Variants in HPSE2 observed in about 807,000 individuals in gnomAD.
HPSE2 encodes the protein heparanase 2 (inactive).
A neutral mutation model predicts 60.5 loss-of-function variants in HPSE2; 38 were observed. The observed-to-expected ratio is 0.63, with a 90% CI of 0.48 to 0.82. HPSE2 has a LOEUF of 0.82. HPSE2 is among the 40% of genes least tolerant of loss of function. The pLI, the probability that HPSE2 is intolerant of heterozygous loss-of-function variation, is 0.00. For synonymous variants in HPSE2, 295 were observed against 293.2 expected (o/e 1.01, Z -0.06); for missense variants, 713 against 740.4 (o/e 0.96, Z 0.43).
chr10:98,788,835 C>A (rs932189836), intron 3 of HPSE2, among the ~76,000 whole-genome samples: 1 of 151,246 alleles, frequency 6.6e-6, no homozygotes, highest in African/African-American at 2.4e-5. Flanking sequence ...CTGGCCTGCA[C>A]CCACTGTCTG....
intron 3 of HPSE2, among the ~76,000 whole-genome samples, chr10:98,771,297 T>C (rs756831575): frequency 7.2e-5 from 11 of 152,168 alleles, no homozygotes; most frequent in Non-Finnish European, 1.2e-4. Flanking sequence ...CAGGGCTATA[T>C]TGGAAAAACC....
intron 3 of HPSE2, among the ~76,000 whole-genome samples, chr10:98,868,838 C>A (rs1236614402): frequency 6.6e-6 from 1 of 152,084 alleles, no homozygotes; most frequent in Non-Finnish European, 1.5e-5. Flanking sequence ...ATTAATACTT[C>A]TCTCTTTGAC....
Position 99,061,996 on chromosome 10 carries a change from G to C in HPSE2, c.610+82242C>G, listed in dbSNP as rs1237648628. Reference sequence around the variant, plus strand: ...TGAGGAGAGCAGAGAGGGCATAGAGGAGGGAGAAATGGGCATGCAAAGCAA... The same window carrying C: ...TGAGGAGAGCAGAGAGGGCATAGAGCAGGGAGAAATGGGCATGCAAAGCAA... On this transcript the variant is annotated intron_variant, in intron 3 of 11. Transcript: ENST00000370552. Among the ~76,000 whole-genome samples the C allele has an allele frequency of 5.9e-5, 9 of 152,152 alleles. 1 individual carries two copies. Among genetic ancestry groups the C allele is most frequent in the Admixed American group, 5.9e-4 (9 of 15,272 alleles).
chr10:98,801,981 G>A (rs1158131259), intron 3 of HPSE2, among the ~76,000 whole-genome samples: 1 of 152,086 alleles, frequency 6.6e-6, no homozygotes, highest in African/African-American at 2.4e-5. Flanking sequence ...CACCGTACTG[G>A]CTTAAAAACA....
In HPSE2 at chr10:99,032,082, C is replaced by G. The variant is rs149097235; in HGVS notation, c.610+112156G>C. Among the ~76,000 whole-genome samples, 70 of 152,294 alleles carry G rather than the reference C, an allele frequency of 4.6e-4. 2 individuals are homozygous for G. In the East Asian group the frequency reaches 0.013, roughly 28 times the overall value. ...CTCGCTTAAATATAAGCACAATAAT[C>G]TCAATCTCCACTTGCCACATCATAA... On this transcript the variant is annotated intron_variant, in intron 3 of 11. Transcript: ENST00000370552.
At chr10:98,578,757 G>A (rs374194655) in intron 9 of HPSE2, among the ~76,000 whole-genome samples, 21 of 151,876 alleles carry the variant, frequency 1.4e-4, no homozygotes, top group African/African-American at 3.1e-4. Context: ...GACACAAACC[G>A]CCTTCATCTT....
At chr10:99,141,813 A>T (rs1845876258) in intron 3 of HPSE2, among the ~76,000 whole-genome samples, 1 of 152,218 alleles carries the variant, frequency 6.6e-6, no homozygotes, top group South Asian at 2.1e-4. Context: ...TGTGAGGTGG[A>T]ACTCAACAAC....
At chr10:98,993,906 T>A (rs1171056067) in intron 3 of HPSE2, among the ~76,000 whole-genome samples, 1 of 152,220 alleles carries the variant, frequency 6.6e-6, no homozygotes, top group African/African-American at 2.4e-5. Flanking sequence ...CAGTTTTACA[T>A]AAGGATAAAA....
intron 9 of HPSE2, among the ~76,000 whole-genome samples, chr10:98,575,384 T>C (rs912904955): frequency 6.6e-6 from 1 of 152,126 alleles, no homozygotes; most frequent in African/African-American, 2.4e-5. Context: ...AGTTGGAATG[T>C]CACAAAAAAC....
chr10:98,873,974 CT>C (rs1323924495), intron 3 of HPSE2, among the ~76,000 whole-genome samples: 1 of 151,970 alleles, frequency 6.6e-6, no homozygotes, highest in Non-Finnish European at 1.5e-5. Context: ...TGATTTTGAG[CT>C]TTTTTTCATA....
the HPSE2 span, among the ~76,000 whole-genome samples, chr10:99,282,166 G>T: frequency 6.6e-6 from 1 of 152,122 alleles, no homozygotes; most frequent in Admixed American, 6.5e-5. Flanking sequence ...GGTCGAGGCA[G>T]GAGAATGGCG....
At chr10:99,195,395 C>A (rs899487762) in intron 2 of HPSE2, among the ~76,000 whole-genome samples, 5 of 149,680 alleles carry the variant, frequency 3.3e-5, no homozygotes, top group Non-Finnish European at 7.4e-5. Context: ...CAAAGGGCCT[C>A]AAAATTTGGA....
At chr10:99,014,419 C>T (rs1034362812) in intron 3 of HPSE2, among the ~76,000 whole-genome samples, 5 of 152,172 alleles carry the variant, frequency 3.3e-5, no homozygotes, top group Non-Finnish European at 7.3e-5. Context: ...TGAACATGTG[C>T]ATGCATGTGT....
chr10:98,901,790 C>A (rs1953673527), intron 3 of HPSE2, among the ~76,000 whole-genome samples: 1 of 152,140 alleles, frequency 6.6e-6, no homozygotes, highest in South Asian at 2.1e-4. Flanking sequence ...GCTACTTAAC[C>A]TTTGTAGGCC....
At chr10:99,135,983 G>C (rs1845633538) in intron 3 of HPSE2, among the ~76,000 whole-genome samples, 1 of 151,728 alleles carries the variant, frequency 6.6e-6, no homozygotes, top group Non-Finnish European at 1.5e-5. Flanking sequence ...AAAATACATA[G>C]ACCACTAGCC....
intron 3 of HPSE2, among the ~76,000 whole-genome samples, chr10:98,849,275 A>T (rs1218939396): frequency 1.3e-5 from 2 of 152,240 alleles, no homozygotes; most frequent in African/African-American, 4.8e-5. Context: ...ACAGAGAGGT[A>T]CTTCATCATG....
upstream of HPSE2, among the ~76,000 whole-genome samples, chr10:99,239,427 T>G (rs1447650089): frequency 3.1e-5 from 4 of 129,218 alleles, no homozygotes; most frequent in Admixed American, 1.5e-4. Context: ...GGTTTTTTTT[T>G]TTTTTTTTTT....
chr10:98,500,591 C>T (rs1941997837), intron 9 of HPSE2, among the ~76,000 whole-genome samples: 1 of 152,122 alleles, frequency 6.6e-6, no homozygotes, highest in Non-Finnish European at 1.5e-5. Context: ...CACAGACTGA[C>T]ATTCTAAGGT....
At chr10:99,225,647 T>C (rs1033440876) in intron 2 of HPSE2, among the ~76,000 whole-genome samples, 1 of 152,052 alleles carries the variant, frequency 6.6e-6, no homozygotes, top group Admixed American at 6.6e-5. Flanking sequence ...AGGGAGGGGA[T>C]GAATGTGTCT....
Sources: gnomAD v4.1 joint callset for allele counts (sites outside exome capture counted in the v4.1 genomes callset) on GRCh38, gnomAD v4.1.1 for gene constraint, MANE v1.5 for transcripts, NCBI Gene and HGNC (gene_info 2026-07-23, HGNC 2026-07-21) for gene names.